The following AIMP1 variants were observed in gnomAD, a reference collection of about 807,000 sequenced individuals.
AIMP1 encodes the protein aminoacyl tRNA synthetase complex interacting multifunctional protein 1, also known as aminoacyl tRNA synthase complex-interacting multifunctional protein 1.
In AIMP1, 24 loss-of-function variants were observed where a neutral mutation model predicts 33.1. The observed-to-expected ratio is 0.73, with a 90% CI of 0.53 to 1.02. AIMP1 has a LOEUF of 1.02. Among genes scored for constraint, AIMP1 ranks in the 50% least tolerant of loss-of-function variants. AIMP1 has a pLI of 0.00. For missense variants in AIMP1, 367 were observed against 364.8 expected, an observed-to-expected ratio of 1.01 and a Z score of -0.05; for synonymous variants, 120 against 121.5, an observed-to-expected ratio of 0.99 and a Z score of 0.08.
intron 5 of AIMP1, 64 bp downstream of exon 5, chr4:106,331,947 A>G (rs1769698773): frequency 7.0e-7 from 1 of 1,436,806 alleles, no homozygotes; most frequent in Admixed American, 1.7e-5. Flanking sequence ...CCTTCTTGGT[A>G]TCTTTCCATT....
rs766324150 is a variant in AIMP1, at chr4:106,324,986, A to T, written c.-24A>T. The T allele has an allele frequency of 1.9e-6, 3 of 1,596,882 alleles. No homozygotes were observed. In the Admixed American group the frequency reaches 5.1e-5, roughly 27 times the overall value. ...TTATCACTTTTATTTTTCCTATAGG[A>T]TTTTCTGCCGTCTCTTGGCAAAAAT... is the stretch of plus-strand genomic sequence containing the variant. On this transcript the variant is annotated splice_region_variant and 5_prime_UTR_variant, in exon 2 of 7. Transcript: ENST00000672341.
At chr4:106,341,465 G>C (rs999903665) in intron 6 of AIMP1, among the ~76,000 whole-genome samples, 3 of 152,232 alleles carry the variant, frequency 2.0e-5, no homozygotes, top group Non-Finnish European at 2.9e-5. Flanking sequence ...GTTAACTTTT[G>C]TATATGGTGA....
chr4:106,344,761 CT>C (rs1307230052), intron 6 of AIMP1, among the ~76,000 whole-genome samples: 3 of 151,280 alleles, frequency 2.0e-5, no homozygotes, highest in Non-Finnish European at 4.5e-5. Flanking sequence ...GTTCACTCCA[CT>C]TGAGCCACTG....
At chr4:106,328,372 C>A (rs1769540164) in intron 4 of AIMP1, 129 bp downstream of exon 4, 2 of 1,170,226 alleles carry the variant, frequency 1.7e-6, no homozygotes, top group African/African-American at 3.1e-5. Flanking sequence ...AAATTAGGAA[C>A]AATATGATAT....
At position 106,328,263 on chromosome 4, in the gene AIMP1, A is replaced by G. The variant is rs915912094; in HGVS notation, c.391+20A>G. 5 of 1,584,176 alleles carry G rather than the reference A, an allele frequency of 3.2e-6. No homozygotes were observed. Among genetic ancestry groups the G allele is most frequent in the Non-Finnish European group, 3.4e-6 (4 of 1,163,364 alleles). ...AGAAAGGTATTTTTGACCTTTAAGC[A>G]TATTTAGCTCTTGACTGGATTATCA... On this transcript the variant is annotated intron_variant, in intron 4 of 6. Transcript: ENST00000672341.
chr4:106,339,058 A>T (rs1769999324), intron 6 of AIMP1, among the ~76,000 whole-genome samples: 1 of 152,156 alleles, frequency 6.6e-6, no homozygotes. Context: ...TGGTGTATTT[A>T]CCCAATGCCT....
chr4:106,326,846 A>G (rs1011672486), intron 2 of AIMP1, among the ~76,000 whole-genome samples: 1 of 151,938 alleles, frequency 6.6e-6, no homozygotes, highest in Admixed American at 6.6e-5. Context: ...CACTATCTCA[A>G]CTCACACTGC....
chr4:106,316,359 G>A (rs1013866966), upstream of AIMP1: 7 of 608,464 alleles, frequency 1.2e-5, no homozygotes, highest in Admixed American at 5.0e-5. Flanking sequence ...GGGGGGACGG[G>A]GGGGGTCGAT....
At chr4:106,323,134 T>G (rs1769329133) in intron 1 of AIMP1, among the ~76,000 whole-genome samples, 1 of 152,222 alleles carries the variant, frequency 6.6e-6, no homozygotes, top group Non-Finnish European at 1.5e-5. Context: ...TTCTTCAATA[T>G]GTATTATAAA....
chr4:106,336,955 T>C lies in AIMP1; in HGVS notation c.690T>C (p.Ala230=). Residue 230 remains alanine, a synonymous_variant, in exon 6 of 7, where the codon GCT becomes GCC. Transcript: ENST00000672341. ...GVLSQAMVMC[A]SSPEKIEILA... is the part of the protein sequence containing the mutation. ...TATCTCAAGCAATGGTCATGTGTGCTAGTTCACCAGAGAAAATTGAAATCT... is the reference window on the plus strand; with the variant it reads ...TATCTCAAGCAATGGTCATGTGTGCCAGTTCACCAGAGAAAATTGAAATCT... 1.2e-6 allele frequency: 2 copies of C among 1,614,108 alleles called. No homozygotes were observed. The highest frequency in any genetic ancestry group is 1.7e-6 in the Non-Finnish European group (2 of 1,179,956).
At chr4:106,317,409 G>T (rs774640225) in intron 1 of AIMP1, among the ~76,000 whole-genome samples, 3 of 152,170 alleles carry the variant, frequency 2.0e-5, no homozygotes, top group Non-Finnish European at 4.4e-5. Flanking sequence ...AAATGAAATA[G>T]GACTTTGGAG....
chr4:106,322,839 A>G (rs1769313641), intron 1 of AIMP1, among the ~76,000 whole-genome samples: 1 of 152,074 alleles, frequency 6.6e-6, no homozygotes, highest in Admixed American at 6.5e-5. Context: ...AAATTCAAAA[A>G]TTAGTCAGGT....
At chr4:106,321,795 T>TA (rs1769265256) in intron 1 of AIMP1, among the ~76,000 whole-genome samples, 1 of 152,246 alleles carries the variant, frequency 6.6e-6, no homozygotes, top group Non-Finnish European at 1.5e-5. Context: ...ATCAGATTGT[T>TA]ACTGTGTCTG....
In AIMP1 at chr4:106,323,629, C is replaced by T. The variant is rs3133165; in HGVS notation, c.-25-1356C>T. Reference sequence around the variant, plus strand: ...GTAAAAAAAAAAAAAAAACTATGCTCTTCTGAATTTTAGTATCCTGAGTAC... The same window carrying T: ...GTAAAAAAAAAAAAAAAACTATGCTTTTCTGAATTTTAGTATCCTGAGTAC... On this transcript the variant is annotated intron_variant, in intron 1 of 6. Coordinates refer to ENST00000672341, the MANE Select transcript of AIMP1 (RefSeq NM_001142416.2). Among the ~76,000 whole-genome samples, 4 of 150,272 alleles carry T rather than the reference C, an allele frequency of 2.7e-5. No individual in the cohort carries two copies. In the East Asian group the frequency reaches 7.8e-4, roughly 29 times the overall value.
At chr4:106,334,820 T>C (rs183813866) in intron 5 of AIMP1, among the ~76,000 whole-genome samples, 2 of 152,282 alleles carry the variant, frequency 1.3e-5, no homozygotes, top group Admixed American at 6.5e-5. Flanking sequence ...AAGTCATGTG[T>C]TTATCTGGCT....
At position 106,347,650 on chromosome 4, in the gene AIMP1, A is replaced by G. The variant is rs1770355920; in HGVS notation, c.897A>G (p.Gly299=). 3.1e-6 allele frequency: 5 copies of G among 1,613,378 alleles called. No individual in the cohort carries two copies. Among genetic ancestry groups the G allele is most frequent in the African/African-American group, 2.7e-5 (2 of 74,976 alleles). ...KGVPFEVKGK[G]VCRAQTMSNS... is the part of the protein sequence containing the mutation. ...TTCCCTTTGAGGTGAAAGGGAAGGG[A>G]GTATGTAGGGCTCAAACCATGAGCA... Residue 299 remains glycine (G), a synonymous_variant, in exon 7 of 7, where the codon GGA becomes GGG. Coordinates refer to ENST00000672341, the MANE Select transcript of AIMP1 (RefSeq NM_001142416.2).
At chr4:106,343,470 C>T (rs1255579487) in intron 6 of AIMP1, among the ~76,000 whole-genome samples, 2 of 152,218 alleles carry the variant, frequency 1.3e-5, no homozygotes, top group Non-Finnish European at 2.9e-5. Flanking sequence ...TTTCTACTCT[C>T]CTAATCAAAA....
At chr4:106,326,205 G>T (rs531066049) in intron 2 of AIMP1, among the ~76,000 whole-genome samples, 2 of 151,958 alleles carry the variant, frequency 1.3e-5, no homozygotes, top group African/African-American at 4.8e-5. Context: ...AAAATTTAGG[G>T]TATAATAAGC....
upstream of AIMP1, chr4:106,315,962 G>A (rs369944338): frequency 6.6e-6 from 1 of 152,476 alleles, no homozygotes; most frequent in Non-Finnish European, 1.5e-5. Flanking sequence ...CAAGCACAAA[G>A]ACAAGGGGGA....
Sources: gnomAD v4.1 joint callset for allele counts (sites outside exome capture counted in the v4.1 genomes callset) on GRCh38, gnomAD v4.1.1 for gene constraint, MANE v1.5 for transcripts, NCBI Gene and HGNC (gene_info 2026-07-23, HGNC 2026-07-21) for gene names.